FRMPD1: variants seen among roughly 807,000 people sequenced by gnomAD.
The protein encoded by FRMPD1 is FERM and PDZ domain containing 1.
FRMPD1 carries 76 observed loss-of-function variants against 117.8 expected under a neutral mutation model. The ratio of observed to expected loss-of-function variants is 0.65; its 90% CI spans 0.54 to 0.78. The LOEUF (loss-of-function observed/expected upper bound fraction) is 0.78, where lower values mean the gene tolerates loss of function less well. Among genes scored for constraint, FRMPD1 ranks in the 30% least tolerant of loss-of-function variants. The pLI is 0.00. For synonymous variants in FRMPD1, 783 were observed against 770.4 expected, an observed-to-expected ratio of 1.02 and a Z score of -0.27; for missense variants, 1,786 against 1,964.5, an observed-to-expected ratio of 0.91 and a Z score of 1.72.
At chr9:37,606,159 C>G in the FRMPD1 span, among the ~76,000 whole-genome samples, 2 of 152,038 alleles carry the variant, frequency 1.3e-5, no homozygotes, top group Non-Finnish European at 2.9e-5. Flanking sequence ...CAACAGGACT[C>G]TGTAATTAAA....
At chr9:37,630,631 T>G in the FRMPD1 span, among the ~76,000 whole-genome samples, 1 of 152,132 alleles carries the variant, frequency 6.6e-6, no homozygotes, top group Non-Finnish European at 1.5e-5. Context: ...TCCACCCACC[T>G]TGGTCTCCCA....
At chr9:37,688,368 T>C (rs1822019792) in intron 1 of FRMPD1, among the ~76,000 whole-genome samples, 1 of 151,966 alleles carries the variant, frequency 6.6e-6, no homozygotes, top group Non-Finnish European at 1.5e-5. Flanking sequence ...TTTTTCAAAA[T>C]ATAAATCTTT....
intron 2 of FRMPD1, among the ~76,000 whole-genome samples, 171 bp downstream of exon 2, chr9:37,692,913 C>G (rs762862883): frequency 2.6e-5 from 4 of 152,076 alleles, no homozygotes; most frequent in Non-Finnish European, 5.9e-5. Flanking sequence ...GAGTGCTTTT[C>G]CCTGTACCCT....
intron 5 of FRMPD1, among the ~76,000 whole-genome samples, chr9:37,713,879 C>T (rs563468872): frequency 2.0e-5 from 3 of 152,040 alleles, no homozygotes; most frequent in Non-Finnish European, 4.4e-5. Flanking sequence ...GCATTTAGGG[C>T]GTGGAAGGAA....
At chr9:37,654,378 C>T (rs964714540) in intron 1 of FRMPD1, among the ~76,000 whole-genome samples, 2 of 152,178 alleles carry the variant, frequency 1.3e-5, no homozygotes, top group African/African-American at 2.4e-5. Flanking sequence ...AGGGTCAGTG[C>T]AGCAGCTCTG....
In FRMPD1 at chr9:37,746,407, C is replaced by T. The variant is rs369709157; in HGVS notation, c.4375C>T (p.Arg1459Trp). 4.3e-6 allele frequency: 7 copies of T among 1,613,010 alleles called. No homozygotes were observed. Among genetic ancestry groups the T allele is most frequent in the Admixed American group, 1.7e-5 (1 of 59,970 alleles). ...EKCTWHFTES[R>W]SRLCMGSQKL... ...GTGCACCTGGCACTTTACCGAAAGC[C>T]GGAGCCGCCTCTGCATGGGCTCCCA... is the stretch of plus-strand genomic sequence containing the variant. The change falls in exon 16 of 16, where the codon CGG (arginine) becomes TGG (tryptophan). Residue 1459 changes from arginine to tryptophan, a missense_variant. Coordinates refer to ENST00000377765, the MANE Select transcript of FRMPD1 (RefSeq NM_014907.3).
At chr9:37,629,591 T>A in the FRMPD1 span, among the ~76,000 whole-genome samples, 1 of 152,256 alleles carries the variant, frequency 6.6e-6, no homozygotes, top group Non-Finnish European at 1.5e-5. Flanking sequence ...AAACATTTGA[T>A]ACCTGATGCT....
In FRMPD1 at chr9:37,744,653, A is replaced by T. The variant is rs1365652960; in HGVS notation, c.2621A>T (p.Tyr874Phe). 6.2e-7 allele frequency: 1 copy of T among 1,614,008 alleles called. No homozygotes were observed. ...GTGTGCTACTATGACAGGGAGCCCTACCTGGCCCTTGGTGCACCCTCCCCA... is the reference window on the plus strand; with the variant it reads ...GTGTGCTACTATGACAGGGAGCCCTTCCTGGCCCTTGGTGCACCCTCCCCA... ...DDVCYYDREP[Y>F]LALGAPSPTV... The change falls in exon 16 of 16, where the codon TAC becomes TTC. Residue 874 changes from tyrosine (Y) to phenylalanine (F), a missense_variant. Coordinates refer to ENST00000377765, the MANE Select transcript of FRMPD1 (RefSeq NM_014907.3).
In FRMPD1 at chr9:37,739,630, C is replaced by CG. The variant is rs146836983; in HGVS notation, c.1550-447dup. ...ACAGATTCTCAGGCCCCACTTCTAG[C>CG]GATCTGACTCAGTACATCAGGGGTA... On this transcript the variant is annotated intron_variant, in intron 14 of 15. Transcript: ENST00000377765. Among the ~76,000 whole-genome samples, 1,110 of 152,274 alleles carry CG rather than the reference C, an allele frequency of 7.3e-3. 8 individuals carry two copies. The highest frequency in any genetic ancestry group is 0.034 in the Middle Eastern group (10 of 294).
chr9:37,613,925 T>C, the FRMPD1 span, among the ~76,000 whole-genome samples: 7 of 151,996 alleles, frequency 4.6e-5, no homozygotes, highest in South Asian at 1.4e-3. Context: ...CACACTTGCC[T>C]CCTACTGCCT....
rs776045673 is a variant in FRMPD1, at chr9:37,692,604, G to C, written c.-4-34G>C. ...TCAAAATCCTCTTTAGAGTATTTTG[G>C]TTAGCATCTTAAGAACACTCTTCTT... On this transcript the variant is annotated intron_variant, in intron 1 of 15. Transcript: ENST00000377765. The C allele has an allele frequency of 2.9e-5, 39 of 1,351,362 alleles. No individual in the cohort carries two copies. The South Asian group carries it at 4.2e-4, about 15-fold the overall frequency. The allele number at this position is 1,351,362 out of a possible 1,614,324, so 83.7% of individuals were successfully genotyped here.
At chr9:37,635,582 A>T in the FRMPD1 span, among the ~76,000 whole-genome samples, 1 of 152,140 alleles carries the variant, frequency 6.6e-6, no homozygotes, top group Non-Finnish European at 1.5e-5. Context: ...AGCGGGGGGC[A>T]CCCCAAGGGG....
In FRMPD1 at chr9:37,744,841, C is replaced by T. The variant is rs777298287; in HGVS notation, c.2809C>T (p.Arg937Ter). 3 of 1,614,086 alleles carry T rather than the reference C, an allele frequency of 1.9e-6. No homozygotes were observed. Among genetic ancestry groups the T allele is most frequent in the Non-Finnish European group, 2.5e-6 (3 of 1,179,940 alleles). Residue 937 changes from arginine to a stop codon, truncating the protein, a stop_gained, in exon 16 of 16, where the codon CGA becomes TGA. Coordinates refer to ENST00000377765, the MANE Select transcript of FRMPD1 (RefSeq NM_014907.3). LOFTEE classifies it low-confidence loss of function (END_TRUNC). The part of the protein sequence containing the change: ...TMETKSVIDS[R>*]VSSISAIRFR... ...GGAAACCAAATCAGTCATCGACTCTCGAGTGTCTTCTATTTCTGCCATTCG... is the reference window on the plus strand; with the variant it reads ...GGAAACCAAATCAGTCATCGACTCTTGAGTGTCTTCTATTTCTGCCATTCG...
chr9:37,707,263 C>G (rs1219805394), intron 2 of FRMPD1, among the ~76,000 whole-genome samples, 153 bp from the exon 3 acceptor site: 1 of 152,218 alleles, frequency 6.6e-6, no homozygotes, highest in Non-Finnish European at 1.5e-5. Context: ...GTCCTAAGTT[C>G]TGCTAGTGGA....
At chr9:37,673,595 C>T (rs191568459) in intron 1 of FRMPD1, among the ~76,000 whole-genome samples, 43 of 152,358 alleles carry the variant, frequency 2.8e-4, no homozygotes, top group African/African-American at 7.5e-4. Context: ...ATTTCCCTTC[C>T]GCACTACCCT....
intron 1 of FRMPD1, among the ~76,000 whole-genome samples, chr9:37,680,957 C>A (rs1184330392): frequency 1.3e-5 from 2 of 151,984 alleles, no homozygotes; most frequent in African/African-American, 4.8e-5. Context: ...TGCCTGTAAT[C>A]CCAGCACTTT....
At chr9:37,675,290 C>T (rs577764342) in intron 1 of FRMPD1, among the ~76,000 whole-genome samples, 50 of 151,972 alleles carry the variant, frequency 3.3e-4, no homozygotes, top group African/African-American at 1.1e-3. Context: ...GGAGTGGTGG[C>T]GCACACCAGT....
In FRMPD1 at chr9:37,729,743, G is replaced by A. The variant is rs761889805; in HGVS notation, c.628G>A (p.Val210Met). 48 of 1,613,858 alleles carry A rather than the reference G, an allele frequency of 3.0e-5. No individual in the cohort carries two copies. Among genetic ancestry groups the A allele is most frequent in the African/African-American group, 2.1e-4 (16 of 74,928 alleles). Residue 210 changes from valine to methionine, a missense_variant, in exon 8 of 16, where the codon GTG becomes ATG. Physicochemically the swap from Val to Met is conservative, Grantham distance 21. Transcript: ENST00000377765. Reference sequence around the variant, plus strand: ...TGCCTGCTAGGACATCATCCTCACCGTGAAGGAGAAGCTGTCCATCCGAAG... The same window carrying A: ...TGCCTGCTAGGACATCATCCTCACCATGAAGGAGAAGCTGTCCATCCGAAG... ...NTTVKDIILT[V>M]KEKLSIRSIE... is the part of the protein sequence containing the mutation.
At chr9:37,715,726 A>T (rs1449062245) in intron 5 of FRMPD1, 4 of 456,224 alleles carry the variant, frequency 8.8e-6, no homozygotes, top group Non-Finnish European at 1.3e-5. Context: ...CAAGATATTC[A>T]TGGTAGCAGA....
Sources: gnomAD v4.1 joint callset for allele counts (sites outside exome capture counted in the v4.1 genomes callset) on GRCh38, gnomAD v4.1.1 for gene constraint, MANE v1.5 for transcripts, NCBI Gene and HGNC (gene_info 2026-07-23, HGNC 2026-07-21) for gene names.